SLC4A5: variants seen among roughly 807,000 people sequenced by gnomAD.
SLC4A5 encodes solute carrier family 4 member 5.
Under a neutral mutation model 120.4 loss-of-function variants are expected in SLC4A5, and 96 were observed. The observed-to-expected ratio is 0.80, with a 90% CI of 0.68 to 0.94. The LOEUF (loss-of-function observed/expected upper bound fraction) is 0.94, where lower values mean the gene tolerates loss of function less well. SLC4A5 is among the 40% of genes least tolerant of loss of function. The pLI is 0.00. For synonymous variants in SLC4A5, 550 were observed against 571.1 expected (o/e 0.96, Z 0.53); for missense variants, 1,259 against 1,459.5 (o/e 0.86, Z 2.24).
chr2:74,240,884 G>A (rs866110821), intron 20 of SLC4A5, among the ~76,000 whole-genome samples: 13 of 152,180 alleles, frequency 8.5e-5, no homozygotes, highest in African/African-American at 3.1e-4. Flanking sequence ...CAACCTTGGA[G>A]ACAGTAAAAG....
At chr2:74,316,703 C>G (rs753828127) in intron 5 of SLC4A5, among the ~76,000 whole-genome samples, 3 of 152,180 alleles carry the variant, frequency 2.0e-5, no homozygotes, top group Non-Finnish European at 4.4e-5. Flanking sequence ...AGCAGCTAAG[C>G]AAGCACTGGC....
At chr2:74,271,425 T>G (rs1671471691) in intron 8 of SLC4A5, among the ~76,000 whole-genome samples, 1 of 152,158 alleles carries the variant, frequency 6.6e-6, no homozygotes, top group Non-Finnish European at 1.5e-5. Context: ...GACATCAGAA[T>G]AAAAACGGGT....
intron 25 of SLC4A5, among the ~76,000 whole-genome samples, chr2:74,230,230 C>A (rs188543366): frequency 6.6e-6 from 1 of 152,248 alleles, no homozygotes; most frequent in East Asian, 1.9e-4. Context: ...AAAGGAAAGT[C>A]TTACGTGGGC....
chr2:74,296,786 CAAAAAAAAAAA>C (rs11374814), intron 7 of SLC4A5, among the ~76,000 whole-genome samples: 1 of 73,046 alleles, frequency 1.4e-5, no homozygotes, highest in South Asian at 4.7e-4. Flanking sequence ...GACTCTGTCT[CAAAAAAAAAAA>C]AAAAAAAAAG....
chr2:74,304,591 C>A, exon 7 of SLC4A5: 1 of 1,614,184 alleles, frequency 6.2e-7, no homozygotes, highest in African/African-American at 1.3e-5. Flanking sequence ...CCCCAGTGGA[C>A]TTTTTGCAGG....
chr2:74,231,540 G>C (rs1454910422), intron 24 of SLC4A5, among the ~76,000 whole-genome samples: 1 of 152,226 alleles, frequency 6.6e-6, no homozygotes, highest in Non-Finnish European at 1.5e-5. Flanking sequence ...AGGCCGCTTA[G>C]TGTAGTGGCT....
intron 6 of SLC4A5, among the ~76,000 whole-genome samples, chr2:74,309,119 A>G (rs987989880): frequency 6.6e-6 from 1 of 151,232 alleles, no homozygotes; most frequent in Non-Finnish European, 1.5e-5. Context: ...CAAAATCTCT[A>G]TGTTGCCCAG....
At position 74,222,993 on chromosome 2, in the gene SLC4A5, A is replaced by G. The variant is rs751519868; in HGVS notation, c.3247-41T>C. The G allele has an allele frequency of 2.3e-5, 33 of 1,413,046 alleles. 1 individual carries two copies. In the South Asian group the frequency reaches 4.2e-4, roughly 18 times the overall value. The allele number at this position is 1,413,046 out of a possible 1,614,324, so 87.5% of individuals were successfully genotyped here. On this transcript the variant is annotated intron_variant, in intron 28 of 30. Transcript: ENST00000394019. ...GGGAAAAGAGGATAAACACCAACAC[A>G]ACAATTTGGCTTTCTTTTTTTTTTT...
At chr2:74,238,307 C>T (rs1486278529) in intron 21 of SLC4A5, among the ~76,000 whole-genome samples, 1 of 151,948 alleles carries the variant, frequency 6.6e-6, no homozygotes, top group Non-Finnish European at 1.5e-5. Flanking sequence ...ATTTGAAAGA[C>T]GTTAATTCTT....
At chr2:74,286,293 A>G (rs1412693728) in intron 7 of SLC4A5, among the ~76,000 whole-genome samples, 3 of 152,192 alleles carry the variant, frequency 2.0e-5, no homozygotes, top group Non-Finnish European at 4.4e-5. Context: ...GCCATCCTCC[A>G]ACACTGGTCT....
chr2:74,300,464 T>A (rs940735008), intron 7 of SLC4A5, among the ~76,000 whole-genome samples: 1 of 152,226 alleles, frequency 6.6e-6, no homozygotes, highest in African/African-American at 2.4e-5. Context: ...TATAATTTTG[T>A]CAATTATACT....
chr2:74,312,276 T>C (rs1343532238), intron 6 of SLC4A5, among the ~76,000 whole-genome samples: 1 of 151,726 alleles, frequency 6.6e-6, no homozygotes, highest in Non-Finnish European at 1.5e-5. Context: ...TGTGTGTATA[T>C]GCATTTTTTT....
At chr2:74,246,900 G>A in intron 19 of SLC4A5, 136 bp downstream of exon 19, 1 of 1,158,372 alleles carries the variant, frequency 8.6e-7, no homozygotes, top group South Asian at 1.5e-5. Context: ...TCAAGACCCT[G>A]TATTTGCTCT....
chr2:74,261,168 T>C (rs1671122821), intron 11 of SLC4A5, among the ~76,000 whole-genome samples: 1 of 152,152 alleles, frequency 6.6e-6, no homozygotes, highest in South Asian at 2.1e-4. Flanking sequence ...AAAGCTGCAA[T>C]CATCCATTCG....
At chr2:74,335,253 A>C (rs142323855) in intron 3 of SLC4A5, among the ~76,000 whole-genome samples, 2,476 of 152,344 alleles carry the variant, frequency 0.016, 26 homozygotes, top group Non-Finnish European at 0.023. Flanking sequence ...CTCTCTACTT[A>C]AGCAAGCTAG....
chr2:74,250,244 G>C (rs1304963142), intron 17 of SLC4A5, 99 bp downstream of exon 17: 2 of 1,266,930 alleles, frequency 1.6e-6, no homozygotes, highest in Non-Finnish European at 1.1e-6. Flanking sequence ...CTGGATGGTA[G>C]ATGAAACCTT....
At chr2:74,281,571 A>T (rs1671815484) in intron 8 of SLC4A5, among the ~76,000 whole-genome samples, 1 of 152,236 alleles carries the variant, frequency 6.6e-6, no homozygotes, top group Non-Finnish European at 1.5e-5. Context: ...CTATCTTATT[A>T]ACAGCCTGAC....
chr2:74,285,923 G>A (rs754766952), intron 7 of SLC4A5, 21 bp from the exon 8 acceptor site: 2 of 1,569,086 alleles, frequency 1.3e-6, no homozygotes, highest in South Asian at 1.2e-5. Flanking sequence ...GGGGCAGCAG[G>A]TCTGCTGAGT....
intron 7 of SLC4A5, among the ~76,000 whole-genome samples, chr2:74,301,888 G>A (rs1672484246): frequency 6.6e-6 from 1 of 152,116 alleles, no homozygotes; most frequent in African/African-American, 2.4e-5. Context: ...TGGAACTGGG[G>A]TCTGGAATGT....
Sources: gnomAD v4.1 joint callset for allele counts (sites outside exome capture counted in the v4.1 genomes callset) on GRCh38, gnomAD v4.1.1 for gene constraint, MANE v1.5 for transcripts, NCBI Gene and HGNC (gene_info 2026-07-23, HGNC 2026-07-21) for gene names.